PGM5: variants seen among roughly 807,000 people sequenced by gnomAD.
PGM5 encodes phosphoglucomutase 5.
PGM5 carries 23 observed loss-of-function variants against 59.2 expected under a neutral mutation model. The ratio of observed to expected loss-of-function variants is 0.39; its 90% CI spans 0.28 to 0.55. PGM5 has a LOEUF of 0.55. PGM5 is among the 20% of genes least tolerant of loss of function. The pLI is 0.66. For synonymous variants in PGM5, 214 were observed against 286.0 expected (o/e 0.75, Z 2.54); for missense variants, 574 against 748.3 (o/e 0.77, Z 2.72).
chr9:68,466,068 A>G (rs1823929218), intron 7 of PGM5: 1 of 1,065,114 alleles, frequency 9.4e-7, no homozygotes, highest in Non-Finnish European at 1.3e-6. Flanking sequence ...CTGAGGCTCC[A>G]ATTACACATG....
chr9:68,420,270 G>T (rs1414287293), intron 6 of PGM5, among the ~76,000 whole-genome samples: 7 of 152,120 alleles, frequency 4.6e-5, no homozygotes, highest in African/African-American at 1.7e-4. Flanking sequence ...TGATTCTGTG[G>T]GTTGGAGGAG....
At chr9:68,399,494 GTAGAC>G (rs1211230435) in intron 6 of PGM5, among the ~76,000 whole-genome samples, 1 of 151,952 alleles carries the variant, frequency 6.6e-6, no homozygotes, top group Non-Finnish European at 1.5e-5. Flanking sequence ...TTTTTATCCA[GTAGAC>G]TAGATAGAGA....
chr9:68,521,428 GGA>G (rs1162386819), intron 10 of PGM5, among the ~76,000 whole-genome samples: 1 of 152,252 alleles, frequency 6.6e-6, no homozygotes, highest in African/African-American at 2.4e-5. Context: ...AATGGAGAAT[GGA>G]GAGAGTCCTT....
At chr9:68,419,002 C>T (rs191106741) in intron 6 of PGM5, among the ~76,000 whole-genome samples, 1 of 152,116 alleles carries the variant, frequency 6.6e-6, no homozygotes, top group Non-Finnish European at 1.5e-5. Flanking sequence ...ATGGCTGGAA[C>T]TTTTACTTAA....
intron 1 of PGM5, among the ~76,000 whole-genome samples, chr9:68,377,158 C>T (rs1259951251): frequency 1.3e-5 from 2 of 152,024 alleles, no homozygotes; most frequent in Middle Eastern, 3.2e-3. Context: ...AACTCTGGAC[C>T]TCAAGTGATC....
At chr9:68,468,960 C>G (rs557747153) in intron 7 of PGM5, among the ~76,000 whole-genome samples, 1 of 152,346 alleles carries the variant, frequency 6.6e-6, no homozygotes, top group African/African-American at 2.4e-5. Context: ...CTCTGTCACC[C>G]AGGCTGGAGT....
Position 68,437,579 on chromosome 9 carries a change from A to ACT in PGM5, c.1044-27513_1044-27512insTC, listed in dbSNP as rs1823459628. On this transcript the variant is annotated intron_variant, in intron 6 of 10. Transcript: ENST00000396396. This position sits in a 1 kb window ranked among gnomAD's most constrained non-coding sequence, Gnocchi z 4.1. ...ATTTTTCAAAGGGACACACACACTC[A>ACT]CACACACACACACACACACACTCTC... 1.4e-5 allele frequency among the ~76,000 whole-genome samples: 2 copies of ACT among 144,000 alleles called. No individual in the cohort carries two copies. The highest frequency in any genetic ancestry group is 6.8e-5 in the Admixed American group (1 of 14,662). 94.5% of individuals were successfully genotyped at this position (144,000 alleles called of 152,430 possible). A position where few individuals can be genotyped will look rare whatever the true frequency, so the allele number is the denominator to read the frequency against.
chr9:68,438,124 C>A (rs1823468456), intron 6 of PGM5, among the ~76,000 whole-genome samples: 1 of 151,690 alleles, frequency 6.6e-6, no homozygotes. Flanking sequence ...CCTGTCTCTA[C>A]TAAAAACACA....
At chr9:68,502,825 G>T (rs1416868120) in intron 10 of PGM5, among the ~76,000 whole-genome samples, 1 of 152,120 alleles carries the variant, frequency 6.6e-6, no homozygotes. Flanking sequence ...GAGTAGCGGG[G>T]ATTACAGGTG....
chr9:68,372,765 A>G (rs1347517753), intron 1 of PGM5, among the ~76,000 whole-genome samples: 4 of 152,134 alleles, frequency 2.6e-5, no homozygotes, highest in African/African-American at 4.8e-5. Context: ...AGGCCTCAGG[A>G]GCTTTTACAC....
chr9:68,380,174 C>T (rs1257857616), intron 2 of PGM5, among the ~76,000 whole-genome samples: 3 of 151,958 alleles, frequency 2.0e-5, no homozygotes, highest in Non-Finnish European at 4.4e-5. Flanking sequence ...AGAACATTCT[C>T]CAGGATAGAC....
At position 68,440,155 on chromosome 9, in the gene PGM5, T is replaced by C. The variant is rs976285106; in HGVS notation, c.1044-24938T>C. Among the ~76,000 whole-genome samples the C allele has an allele frequency of 1.2e-4, 19 of 152,186 alleles. 1 individual carries two copies. The South Asian group carries it at 2.1e-3, about 17-fold the overall frequency. ...ACATCAACAGTCTTCTGTGAGAAACTGACAGAACAGACAGAAACAGATAGA... is the reference window on the plus strand; with the variant it reads ...ACATCAACAGTCTTCTGTGAGAAACCGACAGAACAGACAGAAACAGATAGA... On this transcript the variant is annotated intron_variant, in intron 6 of 10. Transcript: ENST00000396396.
At position 68,474,299 on chromosome 9, in the gene PGM5, T is replaced by A. The variant is rs375716928; in HGVS notation, c.1160-5119T>A. Reference sequence around the variant, plus strand: ...CTTATAGTTTTCCTAATTGACAAATTTAGAATTTCCTTATCTGAGTTTCAG... The same window carrying A: ...CTTATAGTTTTCCTAATTGACAAATATAGAATTTCCTTATCTGAGTTTCAG... On this transcript the variant is annotated intron_variant, in intron 7 of 10. Coordinates refer to ENST00000396396, the MANE Select transcript of PGM5 (RefSeq NM_021965.4). Among the ~76,000 whole-genome samples, 39 of 152,312 alleles carry A rather than the reference T, an allele frequency of 2.6e-4. No homozygotes were observed. The South Asian group carries it at 7.9e-3, about 31-fold the overall frequency.
At chr9:68,382,356 A>G (rs530111003) in intron 2 of PGM5, among the ~76,000 whole-genome samples, 1 of 151,816 alleles carries the variant, frequency 6.6e-6, no homozygotes, top group African/African-American at 2.4e-5. Flanking sequence ...CACTATACAC[A>G]GAAATAAAAT....
At chr9:68,397,054 C>G (rs1416421138) in intron 6 of PGM5, 1 of 152,684 alleles carries the variant, frequency 6.5e-6, no homozygotes, top group Non-Finnish European at 1.5e-5. Context: ...TACAGTGTCA[C>G]TAAAACAAGG....
At chr9:68,381,816 T>C in intron 2 of PGM5, among the ~76,000 whole-genome samples, 1 of 151,678 alleles carries the variant, frequency 6.6e-6, no homozygotes, top group Non-Finnish European at 1.5e-5. Context: ...ATCAAAAAAA[T>C]ACTTAGGAAT....
intron 1 of PGM5, among the ~76,000 whole-genome samples, chr9:68,371,137 T>C (rs1316409830): frequency 6.6e-6 from 1 of 152,180 alleles, no homozygotes; most frequent in Non-Finnish European, 1.5e-5. Flanking sequence ...TTAATGGCAG[T>C]AGCATCCACT....
intron 7 of PGM5, among the ~76,000 whole-genome samples, chr9:68,472,823 T>C (rs1353010): frequency 0.11 from 16,551 of 152,182 alleles, 1,688 homozygotes; most frequent in African/African-American, 0.27. Flanking sequence ...ACTTATTAAA[T>C]GTGTTGTGAC....
At chr9:68,467,204 C>T (rs1823948272) in intron 7 of PGM5, among the ~76,000 whole-genome samples, 1 of 152,114 alleles carries the variant, frequency 6.6e-6, no homozygotes. Flanking sequence ...TAAAAATGTG[C>T]CCCTTGTATC....
Sources: gnomAD v4.1 joint callset for allele counts (sites outside exome capture counted in the v4.1 genomes callset) on GRCh38, gnomAD v4.1.1 for gene constraint, Gnocchi (gnomAD v3.1) non-coding constraint, MANE v1.5 for transcripts, NCBI Gene and HGNC (gene_info 2026-07-23, HGNC 2026-07-21) for gene names.